GSE1: variants seen among roughly 807,000 people sequenced by gnomAD.
GSE1 encodes genetic suppressor element 1.
GSE1 carries 32 observed loss-of-function variants against 112.6 expected under a neutral mutation model. That is an observed-to-expected ratio of 0.28 (90% CI 0.21 to 0.38). The LOEUF (loss-of-function observed/expected upper bound fraction) is 0.38. Among genes scored for constraint, GSE1 ranks in the 10% least tolerant of loss-of-function variants. The pLI is 1.00. For missense variants in GSE1, 2,348 were observed against 1,699.2 expected (o/e 1.38, Z -6.71); for synonymous variants, 1,115 against 735.6 (o/e 1.52, Z -8.35).
At chr16:85,475,003 A>C (rs528881209) in intron 2 of GSE1, among the ~76,000 whole-genome samples, 1 of 152,078 alleles carries the variant, frequency 6.6e-6, no homozygotes, top group South Asian at 2.1e-4. Context: ...TTATCTCCTG[A>C]TGCAGTCAGG....
intron 1 of GSE1, among the ~76,000 whole-genome samples, chr16:85,264,879 C>T (rs1908076847): frequency 2.0e-5 from 3 of 152,256 alleles, no homozygotes; most frequent in Admixed American, 2.0e-4. Flanking sequence ...CGCCCTGGGT[C>T]CTTACAGGGG....
At chr16:85,665,877 T>A in intron 12 of GSE1, 99 bp from the exon 13 acceptor site, 1 of 1,173,474 alleles carries the variant, frequency 8.5e-7, no homozygotes, top group African/African-American at 1.5e-5. Context: ...GCGCTAGGTC[T>A]TTGTTAAGTG....
chr16:85,469,294 C>A (rs1241544257), intron 2 of GSE1, among the ~76,000 whole-genome samples: 1 of 151,484 alleles, frequency 6.6e-6, no homozygotes, highest in East Asian at 1.9e-4. Flanking sequence ...ATGACAGGGG[C>A]CCTTATGAGA....
At chr16:85,456,579 C>CGTGTGTGTGTGTGTGTGTGTGTGTGTGT (rs35279881) in intron 2 of GSE1, among the ~76,000 whole-genome samples, 3 of 91,476 alleles carry the variant, frequency 3.3e-5, no homozygotes, top group African/African-American at 7.9e-5. Context: ...ATTTTCCTGC[C>CGTGTGTGTGTGTGTGTGTGTGTGTGTGT]GTGTGTGTGT....
chr16:85,216,385 C>G (rs1394445274), intron 1 of GSE1, among the ~76,000 whole-genome samples: 1 of 152,210 alleles, frequency 6.6e-6, no homozygotes, highest in Non-Finnish European at 1.5e-5. Flanking sequence ...AATGACAGAG[C>G]AAGACCCTGT....
intron 1 of GSE1, among the ~76,000 whole-genome samples, chr16:85,239,491 G>A (rs1002445903): frequency 6.6e-5 from 10 of 152,176 alleles, no homozygotes; most frequent in Admixed American, 2.0e-4. Context: ...GTCCTTGCAC[G>A]GCTGCCCTGA....
At chr16:85,667,334 G>C (rs925870247) in intron 13 of GSE1, among the ~76,000 whole-genome samples, 1 of 152,252 alleles carries the variant, frequency 6.6e-6, no homozygotes, top group African/African-American at 2.4e-5. Context: ...GACTGGGCTG[G>C]TCTCAGGCCC....
Position 85,556,147 on chromosome 16 carries a change from G to C in GSE1, c.-180G>C, listed in dbSNP as rs1220910147. 14 of 958,104 alleles carry C rather than the reference G, an allele frequency of 1.5e-5. No homozygotes were observed. In the South Asian group the frequency reaches 3.4e-4, roughly 23 times the overall value. 59.4% of individuals were successfully genotyped at this position (958,104 alleles called of 1,614,324 possible). A position where few individuals can be genotyped will look rare whatever the true frequency, so the allele number is the denominator to read the frequency against. Reference sequence around the variant, plus strand: ...CCTTTTGATCATCTTGCGGGGCGGGGGGGGGAAAGACTGATTTTTTTTTTT... The same window carrying C: ...CCTTTTGATCATCTTGCGGGGCGGGCGGGGGAAAGACTGATTTTTTTTTTT... On this transcript the variant is annotated 5_prime_UTR_variant, in exon 1 of 3. Transcript: ENST00000635906.
intron 1 of GSE1, among the ~76,000 whole-genome samples, chr16:85,300,829 C>T (rs949738796): frequency 6.6e-6 from 1 of 152,206 alleles, no homozygotes; most frequent in African/African-American, 2.4e-5. Context: ...ACCCACCTGG[C>T]GTGTGGCTGA....
At chr16:85,491,093 G>A (rs1330634288) in intron 2 of GSE1, among the ~76,000 whole-genome samples, 3 of 152,166 alleles carry the variant, frequency 2.0e-5, no homozygotes, top group Non-Finnish European at 4.4e-5. Context: ...GGGTACAGCT[G>A]GGCCCCCCAA....
At chr16:85,663,821 G>T (rs1283413839) in intron 11 of GSE1, among the ~76,000 whole-genome samples, 1 of 152,234 alleles carries the variant, frequency 6.6e-6, no homozygotes, top group Non-Finnish European at 1.5e-5. Context: ...TGCTCTGAGA[G>T]CCCCACCATC....
intron 1 of GSE1, among the ~76,000 whole-genome samples, chr16:85,189,512 A>C (rs1210989946): frequency 1.3e-5 from 2 of 152,244 alleles, no homozygotes; most frequent in Non-Finnish European, 2.9e-5. Flanking sequence ...AGGTTAGGGA[A>C]AAACAATAAA....
intron 1 of GSE1, among the ~76,000 whole-genome samples, chr16:85,209,358 C>T (rs1404804624): frequency 6.6e-6 from 1 of 152,204 alleles, no homozygotes; most frequent in Non-Finnish European, 1.5e-5. Flanking sequence ...CCTCGATGTG[C>T]ACCTCCTGGC....
chr16:85,403,365 C>A (rs889191369), intron 2 of GSE1, among the ~76,000 whole-genome samples: 1 of 152,218 alleles, frequency 6.6e-6, no homozygotes, highest in African/African-American at 2.4e-5. Flanking sequence ...AGGGGCATGA[C>A]CACCAGGAGG....
chr16:85,629,485 C>G (rs1340895340), intron 1 of GSE1, among the ~76,000 whole-genome samples: 1 of 152,238 alleles, frequency 6.6e-6, no homozygotes, highest in East Asian at 1.9e-4. Flanking sequence ...CCAGCCTGCA[C>G]CGGAGATCGG....
intron 2 of GSE1, among the ~76,000 whole-genome samples, chr16:85,426,875 G>A (rs901763681): frequency 2.6e-5 from 4 of 152,178 alleles, no homozygotes; most frequent in Admixed American, 2.0e-4. Context: ...ATTTTGTAGG[G>A]AGAAGTGCTT....
At chr16:85,404,954 A>AG (rs1423308093) in intron 2 of GSE1, among the ~76,000 whole-genome samples, 21 of 9,726 alleles carry the variant, frequency 2.2e-3, no homozygotes, top group East Asian at 0.011. Context: ...TGTTACTCTC[A>AG]GGCCCCCCGG....
At chr16:85,604,918 C>T (rs531622761) in intron 1 of GSE1, among the ~76,000 whole-genome samples, 8 of 121,972 alleles carry the variant, frequency 6.6e-5, no homozygotes, top group South Asian at 6.1e-4. Context: ...CCCGGGTTCA[C>T]GCCATTCTCC....
intron 3 of GSE1, among the ~76,000 whole-genome samples, chr16:85,651,782 G>A (rs2051378409): frequency 1.3e-5 from 2 of 152,198 alleles, no homozygotes; most frequent in Admixed American, 6.5e-5. Flanking sequence ...CTGGGAGGGG[G>A]AGTCCAGGTA....
Sources: allele counts gnomAD v4.1 joint callset (sites outside exome capture counted in the v4.1 genomes callset), GRCh38; gene constraint gnomAD v4.1.1; transcripts MANE v1.5; gene names NCBI Gene and HGNC (gene_info 2026-07-23, HGNC 2026-07-21).